The following MCC variants were observed in gnomAD, a reference collection of about 807,000 sequenced individuals.
MCC encodes MCC regulator of Wnt signaling pathway.
Under a neutral mutation model 116.2 loss-of-function variants are expected in MCC, and 90 were observed. That is an observed-to-expected ratio of 0.77 (90% CI 0.65 to 0.92). MCC has a LOEUF of 0.92. Among genes scored for constraint, MCC ranks in the 40% least tolerant of loss-of-function variants. MCC has a pLI of 0.00. For missense variants in MCC, 1,516 were observed against 1,312.2 expected, an observed-to-expected ratio of 1.16 and a Z score of -2.40; for synonymous variants, 578 against 510.5, an observed-to-expected ratio of 1.13 and a Z score of -1.78.
intron 8 of MCC, among the ~76,000 whole-genome samples, chr5:113,094,120 T>G (rs1217225430): frequency 6.6e-6 from 1 of 152,242 alleles, no homozygotes; most frequent in African/African-American, 2.4e-5. Flanking sequence ...AGATTTTATA[T>G]GATTTTTCTT....
At position 113,043,635 on chromosome 5, in the gene MCC, C is replaced by A. The variant is rs766814454; in HGVS notation, c.2656-5G>T. Reference sequence around the variant, plus strand: ...GGAGGCAGCATCAGCACACTCCTGACAACAGCAAACACATTCCAGTTAGGC... The same window carrying A: ...GGAGGCAGCATCAGCACACTCCTGAAAACAGCAAACACATTCCAGTTAGGC... On this transcript the variant is annotated splice_region_variant and splice_polypyrimidine_tract_variant and intron_variant, in intron 16 of 18. Coordinates refer to ENST00000408903, the MANE Select transcript of MCC (RefSeq NM_001085377.2). 2 of 1,601,882 alleles carry A rather than the reference C, an allele frequency of 1.2e-6. No homozygotes were observed. Among genetic ancestry groups the A allele is most frequent in the Admixed American group, 3.3e-5 (2 of 59,952 alleles).
At chr5:113,255,136 C>T (rs1365083628) in intron 3 of MCC, among the ~76,000 whole-genome samples, 2 of 152,096 alleles carry the variant, frequency 1.3e-5, no homozygotes, top group Non-Finnish European at 2.9e-5. Flanking sequence ...CTGCACTCCA[C>T]CCTAGGTGAC....
chr5:113,145,167 C>T, intron 4 of MCC, among the ~76,000 whole-genome samples: 1 of 152,226 alleles, frequency 6.6e-6, no homozygotes, highest in East Asian at 1.9e-4. Flanking sequence ...AGCACATCTA[C>T]AAACTCTTGC....
At chr5:113,183,362 C>A (rs1424232707) in intron 3 of MCC, among the ~76,000 whole-genome samples, 2 of 152,194 alleles carry the variant, frequency 1.3e-5, no homozygotes, top group African/African-American at 2.4e-5. Context: ...CAACTTAATT[C>A]AAATCTATCT....
chr5:113,050,394 G>A (rs80214897), intron 15 of MCC, among the ~76,000 whole-genome samples: 143 of 152,170 alleles, frequency 9.4e-4, no homozygotes, highest in African/African-American at 3.2e-3. Context: ...CACAACCCCC[G>A]AAGTCACCCT....
chr5:113,092,010 C>T (rs1213025908), intron 8 of MCC, among the ~76,000 whole-genome samples: 1 of 152,182 alleles, frequency 6.6e-6, no homozygotes, highest in Non-Finnish European at 1.5e-5. Flanking sequence ...ATTGCCAACA[C>T]CTTCAACAGG....
intron 17 of MCC, among the ~76,000 whole-genome samples, chr5:113,040,635 A>AC (rs1751641792): frequency 6.6e-6 from 1 of 152,230 alleles, no homozygotes; most frequent in African/African-American, 2.4e-5. Context: ...TATAATACAA[A>AC]CCCAAACTGC....
chr5:113,145,773 CACACACACACAAA>C (rs1759471742), intron 4 of MCC, among the ~76,000 whole-genome samples: 65 of 15,068 alleles, frequency 4.3e-3, no homozygotes, highest in Middle Eastern at 0.038. Context: ...CACACACACA[CACACACACACAAA>C]CACACACACA....
intron 1 of MCC, among the ~76,000 whole-genome samples, chr5:113,420,818 A>G (rs1770312970): frequency 6.6e-6 from 1 of 152,138 alleles, no homozygotes; most frequent in Non-Finnish European, 1.5e-5. Flanking sequence ...TTCCTCCTAC[A>G]CTGACTTTTT....
At chr5:113,163,228 A>G (rs2150298708) in intron 3 of MCC, among the ~76,000 whole-genome samples, 2 of 152,338 alleles carry the variant, frequency 1.3e-5, no homozygotes, top group Middle Eastern at 6.8e-3. Flanking sequence ...CAATAGTACA[A>G]AAGAGAGGAC....
At chr5:113,231,216 T>G (rs528784376) in intron 3 of MCC, among the ~76,000 whole-genome samples, 2 of 152,274 alleles carry the variant, frequency 1.3e-5, no homozygotes, top group Admixed American at 6.5e-5. Context: ...CCTATTTCAG[T>G]GCTTCTCACT....
intron 8 of MCC, among the ~76,000 whole-genome samples, chr5:113,094,444 C>T (rs1483858670): frequency 1.4e-5 from 2 of 139,150 alleles, no homozygotes; most frequent in African/African-American, 5.7e-5. Context: ...TTTTTTGAGA[C>T]AGAATCTCAC....
chr5:113,401,736 G>A (rs942551762), intron 1 of MCC, among the ~76,000 whole-genome samples: 3 of 151,562 alleles, frequency 2.0e-5, no homozygotes, highest in Non-Finnish European at 4.4e-5. Flanking sequence ...GGCTGAGACT[G>A]TGACATGTGC....
intron 1 of MCC, among the ~76,000 whole-genome samples, chr5:113,470,932 G>A (rs550612927): frequency 2.6e-4 from 39 of 151,664 alleles, no homozygotes; most frequent in South Asian, 8.3e-4. Context: ...CATTCATTTC[G>A]TCTTCCATCA....
chr5:113,249,749 A>C (rs1383884187), intron 3 of MCC, among the ~76,000 whole-genome samples: 2 of 152,148 alleles, frequency 1.3e-5, no homozygotes, highest in Non-Finnish European at 2.9e-5. Flanking sequence ...TCTCCCTTTC[A>C]AACCTGCTCA....
At chr5:113,171,410 T>A (rs1561424673) in intron 3 of MCC, among the ~76,000 whole-genome samples, 2 of 151,708 alleles carry the variant, frequency 1.3e-5, no homozygotes, top group African/African-American at 2.4e-5. Context: ...GGCTAGAGTG[T>A]AGTGCCACGA....
chr5:113,037,563 T>A (rs545551093), intron 17 of MCC, among the ~76,000 whole-genome samples: 14 of 152,236 alleles, frequency 9.2e-5, no homozygotes, highest in Middle Eastern at 3.4e-3. Flanking sequence ...CGTGGTGGTG[T>A]GCACCTGTAG....
At chr5:113,269,588 T>A (rs1403229898) in intron 3 of MCC, among the ~76,000 whole-genome samples, 1 of 152,192 alleles carries the variant, frequency 6.6e-6, no homozygotes, top group Non-Finnish European at 1.5e-5. Flanking sequence ...TTCCCCAACC[T>A]ACAGTCACAT....
intron 3 of MCC, among the ~76,000 whole-genome samples, chr5:113,186,131 A>G (rs1761885127): frequency 6.6e-6 from 1 of 152,190 alleles, no homozygotes; most frequent in Non-Finnish European, 1.5e-5. Flanking sequence ...CGGGGTATTA[A>G]CATGCCTGTG....
Sources: allele counts gnomAD v4.1 joint callset (sites outside exome capture counted in the v4.1 genomes callset), GRCh38; gene constraint gnomAD v4.1.1; transcripts MANE v1.5; gene names NCBI Gene and HGNC (gene_info 2026-07-23, HGNC 2026-07-21).